HMCN2: variants seen among roughly 807,000 people sequenced by gnomAD.
HMCN2 encodes the protein hemicentin-2.
HMCN2 carries 325 observed loss-of-function variants against 377.5 expected under a neutral mutation model. That is an observed-to-expected ratio of 0.86 (90% CI 0.79 to 0.94). HMCN2 has a LOEUF of 0.94. Ranked by LOEUF, HMCN2 falls within the 40% of genes least tolerant of loss-of-function variation. HMCN2 has a pLI of 0.00. For synonymous variants in HMCN2, 2,007 were observed against 2,046.8 expected, an observed-to-expected ratio of 0.98 and a Z score of 0.53; for missense variants, 4,543 against 4,725.3, an observed-to-expected ratio of 0.96 and a Z score of 1.13.
At position 130,428,936 on chromosome 9, in the gene HMCN2, T is replaced by C. The variant is rs914972; in HGVS notation, c.14197+447T>C. ...ATAAAACTTAGGTGCCACCCCTGGA[T>C]GGGTGACCTCAATGGTCCTTCCTGC... On this transcript the variant is annotated intron_variant, in intron 93 of 97. Coordinates refer to ENST00000683500, the MANE Select transcript of HMCN2 (RefSeq NM_001291815.2). The surrounding 1 kb of genome is among the most constrained non-coding windows in gnomAD (Gnocchi z 5.0). 0.99 allele frequency among the ~76,000 whole-genome samples: 151,309 copies of C among 152,330 alleles called. 75,161 individuals carry two copies. Among genetic ancestry groups the C allele is most frequent in the Middle Eastern group, 1 (294 of 294 alleles).
At position 130,395,093 on chromosome 9, in the gene HMCN2, C is replaced by A; in HGVS notation, c.10759C>A (p.Arg3587=). The A allele has an allele frequency of 1.3e-6, 1 of 778,926 alleles. No homozygotes were observed. Among genetic ancestry groups the A allele is most frequent in the Non-Finnish European group, 1.7e-6 (1 of 575,486 alleles). 48.3% of individuals were successfully genotyped at this position (778,926 alleles called of 1,614,324 possible). ...TGCAGGTGCAATTGAGAAGAGCTTC[C>A]GGGTCAGGGTTCAAGGTAGGTGGTG... is the stretch of plus-strand genomic sequence containing the variant. The part of the protein sequence containing the change: ...SPAGAIEKSF[R]VRVQAPPNIV... The change falls in exon 70 of 98, where the codon CGG becomes AGG. Residue 3587 remains arginine (R), a synonymous_variant. Transcript: ENST00000683500.
intron 25 of HMCN2, among the ~76,000 whole-genome samples, chr9:130,344,005 G>A (rs1839202345): frequency 6.6e-6 from 1 of 151,958 alleles, no homozygotes; most frequent in South Asian, 2.1e-4. Flanking sequence ...TCTGCACAGT[G>A]GGGAGGGGGC....
chr9:130,317,496 TCTCTCTCTC>T, intron 15 of HMCN2, among the ~76,000 whole-genome samples: 2 of 144,246 alleles, frequency 1.4e-5, no homozygotes, highest in South Asian at 2.1e-4. Context: ...TCTCTCTCTC[TCTCTCTCTC>T]TTTTTTGTAG....
chr9:130,415,768 GT>G (rs1425165286), intron 85 of HMCN2, among the ~76,000 whole-genome samples: 1 of 152,224 alleles, frequency 6.6e-6, no homozygotes, highest in Non-Finnish European at 1.5e-5. Flanking sequence ...AATCCAGCCT[GT>G]CCGTGGCTCC....
intron 6 of HMCN2, 61 bp from the exon 7 acceptor site, chr9:130,296,613 G>A (rs34511011): frequency 0.27 from 123,459 of 459,158 alleles, 18,277 homozygotes; most frequent in East Asian, 0.48. Flanking sequence ...GTCACCTCCT[G>A]CCCTAAGCTG....
chr9:130,323,049 C>A (rs1837936600), intron 19 of HMCN2, among the ~76,000 whole-genome samples: 1 of 152,170 alleles, frequency 6.6e-6, no homozygotes, highest in Non-Finnish European at 1.5e-5. Context: ...AAATCGCCAT[C>A]CAGGGTGGAG....
At position 130,406,267 on chromosome 9, in the gene HMCN2, G is replaced by A. The variant is rs1429039602; in HGVS notation, c.12553+99G>A. The A allele has an allele frequency of 4.8e-6, 5 of 1,051,076 alleles. No homozygotes were observed. The African/African-American group carries it at 8.2e-5, about 17-fold the overall frequency. 65.1% of individuals were successfully genotyped at this position (1,051,076 alleles called of 1,614,324 possible). ...AGACCCAACCTAGTGGAAAGGAAGAGGTTGTCAGCCAGCCCTGTTGGTTCT... is the reference window on the plus strand; with the variant it reads ...AGACCCAACCTAGTGGAAAGGAAGAAGTTGTCAGCCAGCCCTGTTGGTTCT... On this transcript the variant is annotated intron_variant, in intron 82 of 97. Coordinates refer to ENST00000683500, the MANE Select transcript of HMCN2 (RefSeq NM_001291815.2).
At position 130,388,783 on chromosome 9, in the gene HMCN2, C is replaced by A. The variant is rs12553128; in HGVS notation, c.9523+243C>A. On this transcript the variant is annotated intron_variant, in intron 62 of 97. Coordinates refer to ENST00000683500, the MANE Select transcript of HMCN2 (RefSeq NM_001291815.2). ...TTGGAAGCTCCTTTGCATCCACGTC[C>A]TCAGTCAGCTCCCATGAGACAGCAG... is the stretch of plus-strand genomic sequence containing the variant. Among the ~76,000 whole-genome samples the A allele has an allele frequency of 1.3e-3, 202 of 152,164 alleles. 1 individual carries two copies. Among genetic ancestry groups the A allele is most frequent in the Admixed American group, 9.7e-3 (148 of 15,276 alleles).
At chr9:130,293,279 G>GTCTTTTTTTTTTTTTTGTTTTTTTT (rs1835901741) in intron 4 of HMCN2, among the ~76,000 whole-genome samples, 1 of 57,126 alleles carries the variant, frequency 1.8e-5, no homozygotes, top group Non-Finnish European at 2.7e-5. Context: ...ACTCACTAAA[G>GTCTTTTTTTTTTTTTTGTTTTTTTT]TTTTTTTTTT....
At position 130,349,060 on chromosome 9, in the gene HMCN2, C is replaced by T; in HGVS notation, c.4232C>T (p.Ser1411Phe). The T allele has an allele frequency of 7.7e-7, 1 of 1,304,240 alleles. No homozygotes were observed. The highest frequency in any genetic ancestry group is 1.0e-6 in the Non-Finnish European group (1 of 988,926). 80.8% of individuals were successfully genotyped at this position (1,304,240 alleles called of 1,614,324 possible). A position where few individuals can be genotyped will look rare whatever the true frequency, so the allele number is the denominator to read the frequency against. Residue 1411 changes from serine to phenylalanine, a missense_variant, in exon 28 of 98, where the codon TCT (serine) becomes TTT (phenylalanine). Ser to Phe is a radical substitution (Grantham distance 155). This residue lies in a region of HMCN2 where 1,032 missense variants were observed against 1,285.1 expected (regional missense o/e 0.80). Coordinates refer to ENST00000683500, the MANE Select transcript of HMCN2 (RefSeq NM_001291815.2). ...TTCCCCAGGATCCAGGAGGGTGATTCTGGGCTCTACTCCTGCCGGGCAGAG... is the reference window on the plus strand; with the variant it reads ...TTCCCCAGGATCCAGGAGGGTGATTTTGGGCTCTACTCCTGCCGGGCAGAG... ...LHFPRIQEGD[S>F]GLYSCRAENQ...
intron 7 of HMCN2, among the ~76,000 whole-genome samples, chr9:130,298,584 A>G (rs1476301410): frequency 1.3e-5 from 2 of 152,304 alleles, no homozygotes; most frequent in African/African-American, 2.4e-5. Context: ...CCACATTTCC[A>G]TCAAGACAGT....
intron 4 of HMCN2, among the ~76,000 whole-genome samples, chr9:130,286,859 C>T (rs1479614223): frequency 1.3e-5 from 2 of 152,170 alleles, no homozygotes; most frequent in African/African-American, 4.8e-5. Flanking sequence ...AGGCACCTGC[C>T]ACTCAGCCTT....
intron 85 of HMCN2, among the ~76,000 whole-genome samples, chr9:130,417,237 C>T (rs1215419812): frequency 2.0e-5 from 3 of 151,892 alleles, no homozygotes; most frequent in Admixed American, 1.3e-4. Flanking sequence ...AAAAGAGAGC[C>T]GGGGCCGGAC....
In HMCN2 at chr9:130,397,404, G is replaced by A. The variant is rs1490957373; in HGVS notation, c.11199-124G>A. 13 of 971,446 alleles carry A rather than the reference G, an allele frequency of 1.3e-5. 1 individual carries two copies. Among genetic ancestry groups the A allele is most frequent in the Admixed American group, 8.9e-5 (3 of 33,744 alleles). The allele number at this position is 971,446 out of a possible 1,614,324, so 60.2% of individuals were successfully genotyped here. A position where few individuals can be genotyped will look rare whatever the true frequency, so the allele number is the denominator to read the frequency against. On this transcript the variant is annotated intron_variant, in intron 73 of 97. Transcript: ENST00000683500. ...AAGATGAGATTTGGGTGGAGACAGA[G>A]CCAAACCATATCAGCATCCTCTCAC...
intron 62 of HMCN2, among the ~76,000 whole-genome samples, chr9:130,389,046 T>G (rs1842162818): frequency 6.6e-6 from 1 of 152,118 alleles, no homozygotes; most frequent in Non-Finnish European, 1.5e-5. Context: ...CCACTGTGCC[T>G]CTCACGCAGG....
At chr9:130,376,281 G>A (rs1301727122) in intron 51 of HMCN2, among the ~76,000 whole-genome samples, 1 of 152,172 alleles carries the variant, frequency 6.6e-6, no homozygotes, top group Non-Finnish European at 1.5e-5. Context: ...GGACCCCCAA[G>A]GAAGTCCTCT....
chr9:130,346,948 G>A (rs1839424640), intron 25 of HMCN2, among the ~76,000 whole-genome samples: 1 of 152,046 alleles, frequency 6.6e-6, no homozygotes, highest in African/African-American at 2.4e-5. Context: ...AGGGACCCTA[G>A]GAGGCTGTAT....
At chr9:130,272,236 A>C (rs912908134) in intron 1 of HMCN2, among the ~76,000 whole-genome samples, 1 of 148,754 alleles carries the variant, frequency 6.7e-6, no homozygotes, top group Non-Finnish European at 1.5e-5. Flanking sequence ...AAAAAAAATA[A>C]ATTTTTTTGT....
rs1414226978 is a variant in HMCN2, at chr9:130,327,462, C to T, written c.3346C>T (p.Pro1116Ser). 1.3e-5 allele frequency: 2 copies of T among 152,260 alleles called. No homozygotes were observed. Among genetic ancestry groups the T allele is most frequent in the Non-Finnish European group, 2.9e-5 (2 of 68,080 alleles). 9.4% of individuals were successfully genotyped at this position (152,260 alleles called of 1,614,324 possible). A position where few individuals can be genotyped will look rare whatever the true frequency, so the allele number is the denominator to read the frequency against. ...GACGAAGGACTCCCGCCCTGTACCGCCCATCACCAACAGGTAACCCCAGTC... is the reference window on the plus strand; with the variant it reads ...GACGAAGGACTCCCGCCCTGTACCGTCCATCACCAACAGGTAACCCCAGTC... ...TWTKDSRPVP[P>S]ITNRYGLLPS... Residue 1116 changes from proline to serine, a missense_variant, in exon 22 of 98, where the codon CCC becomes TCC. This residue lies in a region of HMCN2 where 547 missense variants were observed against 189.9 expected (regional missense o/e 2.88). Coordinates refer to ENST00000683500, the MANE Select transcript of HMCN2 (RefSeq NM_001291815.2).
Sources: gnomAD v4.1 joint callset for allele counts (sites outside exome capture counted in the v4.1 genomes callset) on GRCh38, gnomAD v4.1.1 for gene constraint, gnomAD v4.1.1 regional missense constraint, Gnocchi (gnomAD v3.1) non-coding constraint, MANE v1.5 for transcripts, NCBI Gene and HGNC (gene_info 2026-07-23, HGNC 2026-07-21) for gene names.